Variants in SLFN12 observed in about 807,000 individuals in gnomAD.
SLFN12 encodes schlafen family member 12.
In SLFN12, 25 loss-of-function variants were observed where a neutral mutation model predicts 29.1. The observed-to-expected ratio is 0.86, with a 90% CI of 0.63 to 1.20. The LOEUF is 1.20. Ranked by LOEUF, SLFN12 falls within the 50% of genes most tolerant of loss-of-function variation. The pLI is 0.00. For synonymous variants in SLFN12, 257 were observed against 238.7 expected, an observed-to-expected ratio of 1.08 and a Z score of -0.71; for missense variants, 660 against 666.2, an observed-to-expected ratio of 0.99 and a Z score of 0.10.
chr17:35,420,827 C>G (rs1295299260), intron 2 of SLFN12: 1 of 154,254 alleles, frequency 6.5e-6, no homozygotes, highest in Non-Finnish European at 1.4e-5. Flanking sequence ...AAAATACCAG[C>G]ATTATTCCTT....
intron 1 of SLFN12, among the ~76,000 whole-genome samples, chr17:35,426,762 T>C (rs1303331017): frequency 6.6e-6 from 1 of 152,150 alleles, no homozygotes; most frequent in East Asian, 1.9e-4. Context: ...ATCTTAGGGA[T>C]CAGCTCAAGG....
intron 1 of SLFN12, among the ~76,000 whole-genome samples, chr17:35,425,008 C>A (rs1911912609): frequency 6.6e-6 from 1 of 151,948 alleles, no homozygotes; most frequent in Non-Finnish European, 1.5e-5. Flanking sequence ...AGAATACAGG[C>A]CCAGCACAGT....
At chr17:35,431,985 G>A (rs1912341134) in intron 1 of SLFN12, 1 of 152,162 alleles carries the variant, frequency 6.6e-6, no homozygotes, top group Non-Finnish European at 1.5e-5. Context: ...TCTGGGCAGG[G>A]CAACTATCCC....
Position 35,426,455 on chromosome 17 carries a change from G to A in SLFN12, c.-40-3387C>T, listed in dbSNP as rs34822436. Among the ~76,000 whole-genome samples the A allele has an allele frequency of 4.2e-3, 632 of 152,120 alleles. 7 individuals are homozygous for A. Among genetic ancestry groups the A allele is most frequent in the African/African-American group, 0.014 (587 of 41,526 alleles). ...TATTACATCTAAGTCTTTAATCCAT[G>A]TTGAGTTGATTTTTGTATTTGGTGT... On this transcript the variant is annotated intron_variant, in intron 1 of 3. Transcript: ENST00000304905.
At chr17:35,418,357 A>G (rs1233803874) in intron 3 of SLFN12, among the ~76,000 whole-genome samples, 1 of 151,994 alleles carries the variant, frequency 6.6e-6, no homozygotes, top group Admixed American at 6.6e-5. Flanking sequence ...CACCTCTGCC[A>G]CCCCAAGATA....
chr17:35,411,972 T>C (rs138831033), intron 3 of SLFN12, 45 bp from the exon 4 acceptor site: 3 of 1,420,314 alleles, frequency 2.1e-6, no homozygotes, highest in East Asian at 2.4e-5. Flanking sequence ...CACTAGGAAG[T>C]TCCCATTTAA....
At chr17:35,429,815 G>C (rs1912207253) in intron 1 of SLFN12, among the ~76,000 whole-genome samples, 1 of 152,086 alleles carries the variant, frequency 6.6e-6, no homozygotes, top group Admixed American at 6.5e-5. Context: ...AGGGCATGAG[G>C]GTGCTTGGTT....
rs749995541 is a variant in SLFN12, at chr17:35,422,628, G to T, written c.401C>A (p.Ala134Glu). ...SNLYKRDITS[A>E]KVMNATAALE... Reference sequence around the variant, plus strand: ...TGCAGCAGTGGCATTCATGACTTTTGCAGATGTTATATCTCTTTTGTACAA... The same window carrying T: ...TGCAGCAGTGGCATTCATGACTTTTTCAGATGTTATATCTCTTTTGTACAA... Residue 134 changes from alanine (A) to glutamate (E), a missense_variant, in exon 2 of 4, where the codon GCA becomes GAA. Physicochemically the swap from Ala to Glu is moderately radical, Grantham distance 107. Coordinates refer to ENST00000304905, the MANE Select transcript of SLFN12 (RefSeq NM_018042.5). 9 of 1,613,786 alleles carry T rather than the reference G, an allele frequency of 5.6e-6. No individual in the cohort carries two copies. Among genetic ancestry groups the T allele is most frequent in the Non-Finnish European group, 6.8e-6 (8 of 1,179,948 alleles).
chr17:35,423,141 T>A, intron 1 of SLFN12, 73 bp from the exon 2 acceptor site: 1 of 1,475,248 alleles, frequency 6.8e-7, no homozygotes. Context: ...ATGAGGCAAA[T>A]GCAAAAAAAT....
At chr17:35,413,876 C>A (rs1911176554) in intron 3 of SLFN12, among the ~76,000 whole-genome samples, 1 of 151,582 alleles carries the variant, frequency 6.6e-6, no homozygotes. Context: ...AAATGAAGGG[C>A]AAAACTATAT....
At chr17:35,421,835 T>C (rs538535988) in intron 2 of SLFN12, among the ~76,000 whole-genome samples, 155 bp downstream of exon 2, 63 of 151,530 alleles carry the variant, frequency 4.2e-4, no homozygotes, top group East Asian at 9.8e-4. Flanking sequence ...CCACCGCGCC[T>C]GGCCGAGGCA....
chr17:35,424,939 T>C lies in SLFN12; in HGVS notation c.-40-1871A>G, dbSNP rs560307519. Among the ~76,000 whole-genome samples the C allele has an allele frequency of 3.9e-5, 6 of 152,236 alleles. No homozygotes were observed. In the South Asian group the frequency reaches 1.2e-3, roughly 32 times the overall value. ...TATGTTGAGCCAACTACCATATACATTACTTCACATACTTATCATTTTTTG... is the reference window on the plus strand; with the variant it reads ...TATGTTGAGCCAACTACCATATACACTACTTCACATACTTATCATTTTTTG... On this transcript the variant is annotated intron_variant, in intron 1 of 3. Coordinates refer to ENST00000304905, the MANE Select transcript of SLFN12 (RefSeq NM_018042.5).
rs780928099 is a variant in SLFN12, at chr17:35,422,402, G to T, written c.627C>A (p.Phe209Leu). Residue 209 changes from phenylalanine (F) to leucine (L), a missense_variant, in exon 2 of 4, where the codon TTC (phenylalanine) becomes TTA (leucine). Transcript: ENST00000304905. ...TTCGTTGTAACAACTTTTCTGTCGA[G>T]AAGTTTTTAATTTCAACATGTGTGG... is the stretch of plus-strand genomic sequence containing the variant. ...TESTHVEIKN[F>L]STEKLLQRIK... 6 of 1,613,754 alleles carry T rather than the reference G, an allele frequency of 3.7e-6. No individual in the cohort carries two copies. The highest frequency in any genetic ancestry group is 1.6e-4 in the Middle Eastern group (1 of 6,082).
chr17:35,422,484 C>A lies in SLFN12; in HGVS notation c.545G>T (p.Gly182Val). ...AAGTTCTGTTCTATCAAAAAAAACC[C>A]CGGCCAAGGCCTTCATGTTATTTTC... is the stretch of plus-strand genomic sequence containing the variant. Reference protein sequence around the residue: ...QEENNMKALAGVFFDRTELDR... With the variant: ...QEENNMKALAVVFFDRTELDR... The change falls in exon 2 of 4, where the codon GGG (glycine) becomes GTG (valine). Residue 182 changes from glycine (G) to valine (V), a missense_variant. Gly to Val is a moderately radical substitution (Grantham distance 109, BLOSUM62 -3). Transcript: ENST00000304905. The A allele has an allele frequency of 6.2e-7, 1 of 1,612,220 alleles. No homozygotes were observed. The highest frequency in any genetic ancestry group is 2.2e-5 in the East Asian group (1 of 44,888).
Position 35,412,056 on chromosome 17 carries a change from A to C in SLFN12, c.1148-129T>G, listed in dbSNP as rs1260470997. ...TGTAAAAGTTGTATAAAATATATTCAAACAATAATTTAAAGAACTAGAAAG... is the reference window on the plus strand; with the variant it reads ...TGTAAAAGTTGTATAAAATATATTCCAACAATAATTTAAAGAACTAGAAAG... On this transcript the variant is annotated intron_variant, in intron 3 of 3. Coordinates refer to ENST00000304905, the MANE Select transcript of SLFN12 (RefSeq NM_018042.5). 3.0e-6 allele frequency: 2 copies of C among 664,142 alleles called. 1 individual carries two copies. Among genetic ancestry groups the C allele is most frequent in the South Asian group, 6.0e-5 (2 of 33,582 alleles). 41.1% of individuals were successfully genotyped at this position (664,142 alleles called of 1,614,324 possible).
At chr17:35,412,636 G>A (rs1215067557) in intron 3 of SLFN12, among the ~76,000 whole-genome samples, 1 of 152,040 alleles carries the variant, frequency 6.6e-6, no homozygotes, top group Non-Finnish European at 1.5e-5. Flanking sequence ...AGTAAATATA[G>A]CCCTTTTTGG....
intron 1 of SLFN12, among the ~76,000 whole-genome samples, chr17:35,424,004 G>A (rs552838256): frequency 6.6e-6 from 1 of 152,178 alleles, no homozygotes; most frequent in Non-Finnish European, 1.5e-5. Context: ...TTATTTGTAA[G>A]CCACCCAGCT....
rs770181686 is a variant in SLFN12 at position 35,421,534 on chromosome 17, C to CTTT, written c.1039+453_1039+455dup. ...ATAGAAGAAAACAAGAGGCAGGGAACTTTTTTTTTTTTTTTTTTTTTTTGA... is the reference window on the plus strand; with the variant it reads ...ATAGAAGAAAACAAGAGGCAGGGAACTTTTTTTTTTTTTTTTTTTTTTTTTTGA... On this transcript the variant is annotated intron_variant, in intron 2 of 3. Coordinates refer to ENST00000304905, the MANE Select transcript of SLFN12 (RefSeq NM_018042.5). Among the ~76,000 whole-genome samples the CTTT allele has an allele frequency of 8.7e-3, 902 of 104,272 alleles. 57 individuals carry two copies. Among genetic ancestry groups the CTTT allele is most frequent in the African/African-American group, 0.033 (821 of 24,910 alleles). 68.4% of individuals were successfully genotyped at this position (104,272 alleles called of 152,430 possible).
intron 3 of SLFN12, among the ~76,000 whole-genome samples, chr17:35,418,839 G>A (rs1407468399): frequency 6.6e-6 from 1 of 151,578 alleles, no homozygotes; most frequent in East Asian, 2.0e-4. Flanking sequence ...CTATTGAGAT[G>A]GATTGTGTAT....
Sources: allele counts gnomAD v4.1 joint callset (sites outside exome capture counted in the v4.1 genomes callset), GRCh38; gene constraint gnomAD v4.1.1; transcripts MANE v1.5; gene names NCBI Gene and HGNC (gene_info 2026-07-23, HGNC 2026-07-21).